The following MRPS35 variants were observed in gnomAD, a reference collection of about 807,000 sequenced individuals.
The protein encoded by MRPS35 is mitochondrial ribosomal protein S35.
In MRPS35, 29 loss-of-function variants were observed where a neutral mutation model predicts 32.7. The ratio of observed to expected loss-of-function variants is 0.89; its 90% CI spans 0.66 to 1.21. The LOEUF is 1.21. MRPS35 is among the 50% of genes most tolerant of loss of function. The pLI is 0.00. For missense variants in MRPS35, 373 were observed against 383.8 expected (o/e 0.97, Z 0.23); for synonymous variants, 148 against 139.3 (o/e 1.06, Z -0.44).
At chr12:27,730,260 T>C (rs1238559450) in intron 5 of MRPS35, among the ~76,000 whole-genome samples, 1 of 152,206 alleles carries the variant, frequency 6.6e-6, no homozygotes, top group Non-Finnish European at 1.5e-5. Context: ...CATAATTTCT[T>C]AGGTTTATCT....
intron 7 of MRPS35, among the ~76,000 whole-genome samples, chr12:27,754,587 C>T (rs1591805320): frequency 6.6e-6 from 1 of 151,282 alleles, no homozygotes; most frequent in East Asian, 2.0e-4. Flanking sequence ...GGCAACATGG[C>T]AAAACACCAT....
At chr12:27,735,640 T>G (rs1413193706) in intron 6 of MRPS35, 84 bp downstream of exon 6, 6 of 972,260 alleles carry the variant, frequency 6.2e-6, no homozygotes, top group African/African-American at 1.7e-5. Flanking sequence ...TTAAAGAAAC[T>G]ATATTGAAGA....
chr12:27,715,307 TTG>T (rs1460719651), intron 2 of MRPS35, among the ~76,000 whole-genome samples: 4 of 152,200 alleles, frequency 2.6e-5, no homozygotes, highest in African/African-American at 9.6e-5. Context: ...GGCTAATTTT[TTG>T]TGTTTTTAGT....
At chr12:27,718,619 T>TATGA (rs2061860622) in intron 3 of MRPS35, among the ~76,000 whole-genome samples, 1 of 152,252 alleles carries the variant, frequency 6.6e-6, no homozygotes, top group African/African-American at 2.4e-5. Context: ...TCATTCACAC[T>TATGA]ATGAATGATT....
chr12:27,750,664 G>A (rs1308329234), intron 7 of MRPS35, among the ~76,000 whole-genome samples: 1 of 152,120 alleles, frequency 6.6e-6, no homozygotes, highest in Non-Finnish European at 1.5e-5. Context: ...CATTAGCAGG[G>A]CATGGTGGTA....
chr12:27,719,156 A>G (rs2061862870), intron 3 of MRPS35, among the ~76,000 whole-genome samples: 1 of 152,208 alleles, frequency 6.6e-6, no homozygotes, highest in Non-Finnish European at 1.5e-5. Flanking sequence ...GGAAATATAC[A>G]TGTATACCTG....
At chr12:27,714,697 A>C in intron 1 of MRPS35, 83 bp from the exon 2 acceptor site, 1 of 1,056,266 alleles carries the variant, frequency 9.5e-7, no homozygotes, top group Non-Finnish European at 1.4e-6. Context: ...TTGTGTTAGA[A>C]TAATGGGATC....
intron 3 of MRPS35, among the ~76,000 whole-genome samples, chr12:27,718,192 A>G (rs1346489570): frequency 6.6e-6 from 1 of 152,200 alleles, no homozygotes; most frequent in African/African-American, 2.4e-5. Flanking sequence ...TGGGAAGCCA[A>G]GGCAGGCAGA....
intron 7 of MRPS35, among the ~76,000 whole-genome samples, chr12:27,754,602 A>C (rs1020564341): frequency 6.6e-6 from 1 of 151,722 alleles, no homozygotes; most frequent in Non-Finnish European, 1.5e-5. Flanking sequence ...CACCATCTCT[A>C]CAAAAAATAC....
chr12:27,726,835 C>T (rs186401536), intron 5 of MRPS35, among the ~76,000 whole-genome samples: 10 of 151,720 alleles, frequency 6.6e-5, no homozygotes, highest in East Asian at 1.9e-4. Context: ...GTTTATCTTT[C>T]GATTGTTGAG....
rs775317443 is a variant in MRPS35 at position 27,716,396 on chromosome 12, A to G, written c.259A>G (p.Met87Val). The G allele has an allele frequency of 6.2e-7, 1 of 1,614,134 alleles. No individual in the cohort carries two copies. Among genetic ancestry groups the G allele is most frequent in the Non-Finnish European group, 8.5e-7 (1 of 1,180,020 alleles). Residue 87 changes from methionine (M) to valine (V), a missense_variant, in exon 3 of 8, where the codon ATG becomes GTG. Transcript: ENST00000081029. ...CTCTGCAGTACCTCTTCCTGTTCGAATGGGTTATCCAGTAAAAAAGGGCGT... is the reference window on the plus strand; with the variant it reads ...CTCTGCAGTACCTCTTCCTGTTCGAGTGGGTTATCCAGTAAAAAAGGGCGT... Reference protein sequence around the residue: ...KPSAVPLPVRMGYPVKKGVPM... With the variant: ...KPSAVPLPVRVGYPVKKGVPM...
intron 7 of MRPS35, 47 bp downstream of exon 7, chr12:27,737,655 G>A (rs781304204): frequency 1.4e-6 from 2 of 1,443,812 alleles, no homozygotes; most frequent in Non-Finnish European, 1.9e-6. Flanking sequence ...TAATTTAGAT[G>A]ATGTTAACCT....
At chr12:27,714,963 G>A in intron 2 of MRPS35, 143 bp downstream of exon 2, 1 of 674,004 alleles carries the variant, frequency 1.5e-6, no homozygotes, top group Non-Finnish European at 2.5e-6. Context: ...CCCTGGCAGA[G>A]GTTAGTCTTT....
intron 5 of MRPS35, among the ~76,000 whole-genome samples, chr12:27,734,435 A>G (rs550009850): frequency 1.5e-4 from 23 of 151,990 alleles, no homozygotes; most frequent in Non-Finnish European, 1.2e-4. Context: ...AGAGATGGGT[A>G]TCTCCGTGTT....
At chr12:27,754,632 T>C (rs2062018870) in intron 7 of MRPS35, among the ~76,000 whole-genome samples, 1 of 151,592 alleles carries the variant, frequency 6.6e-6, no homozygotes, top group South Asian at 2.1e-4. Context: ...CCAGGCATGG[T>C]GGTGGGCGCC....
At chr12:27,714,657 T>G in intron 1 of MRPS35, 123 bp from the exon 2 acceptor site, 1 of 714,198 alleles carries the variant, frequency 1.4e-6, no homozygotes, top group Non-Finnish European at 2.2e-6. Context: ...AAAAAGATTG[T>G]TTCATTGTTA....
chr12:27,724,727 A>G (rs1400222155), intron 5 of MRPS35, among the ~76,000 whole-genome samples: 2 of 151,824 alleles, frequency 1.3e-5, no homozygotes, highest in Non-Finnish European at 2.9e-5. Flanking sequence ...TGGGTGACAG[A>G]GCGAGATTCC....
chr12:27,718,036 T>C (rs1234586169), intron 3 of MRPS35, among the ~76,000 whole-genome samples: 1 of 152,164 alleles, frequency 6.6e-6, no homozygotes, highest in Non-Finnish European at 1.5e-5. Context: ...TTATAATTTT[T>C]AAAATGTATA....
intron 7 of MRPS35, among the ~76,000 whole-genome samples, chr12:27,744,025 A>G (rs1458889395): frequency 6.6e-6 from 1 of 151,964 alleles, no homozygotes; most frequent in Non-Finnish European, 1.5e-5. Context: ...CTACTTCTTC[A>G]TTTCTTATGT....
Sources: gnomAD v4.1 joint callset for allele counts (sites outside exome capture counted in the v4.1 genomes callset) on GRCh38, gnomAD v4.1.1 for gene constraint, MANE v1.5 for transcripts, NCBI Gene and HGNC (gene_info 2026-07-23, HGNC 2026-07-21) for gene names.